GFRA4: variants seen among roughly 807,000 people sequenced by gnomAD.
GFRA4 encodes the protein GDNF family receptor alpha 4.
GFRA4 carries 31 observed loss-of-function variants against 28.5 expected under a neutral mutation model. That is an observed-to-expected ratio of 1.09 (90% CI 0.82 to 1.47). The LOEUF (loss-of-function observed/expected upper bound fraction) is 1.47, where lower values mean the gene tolerates loss of function less well. GFRA4 is among the 40% of genes most tolerant of loss of function. GFRA4 has a pLI of 0.00. For missense variants in GFRA4, 389 were observed against 413.2 expected, an observed-to-expected ratio of 0.94 and a Z score of 0.51; for synonymous variants, 188 against 188.0, an observed-to-expected ratio of 1.00 and a Z score of 0.00.
chr20:3,659,770 C>T lies in GFRA4; in HGVS notation c.*139G>A. 2.5e-6 allele frequency: 2 copies of T among 798,886 alleles called. No individual in the cohort carries two copies. The highest frequency in any genetic ancestry group is 4.0e-6 in the Non-Finnish European group (2 of 496,596). 49.5% of individuals were successfully genotyped at this position (798,886 alleles called of 1,614,324 possible). ...ACGGCACACAGGGTGTCCAAACCTA[C>T]AAAGGGCAGCGGAGTGAAAGCACCA... On this transcript the variant is annotated 3_prime_UTR_variant, in exon 6 of 6. Transcript: ENST00000290417.
Position 3,661,188 on chromosome 20 carries a change from A to G in GFRA4, c.148T>C (p.Cys50Arg), listed in dbSNP as rs1462122348. 6.7e-6 allele frequency: 10 copies of G among 1,483,372 alleles called. No individual in the cohort carries two copies. Among genetic ancestry groups the G allele is most frequent in the Non-Finnish European group, 8.9e-6 (10 of 1,124,054 alleles). 91.9% of individuals were successfully genotyped at this position (1,483,372 alleles called of 1,614,324 possible). A position where few individuals can be genotyped will look rare whatever the true frequency, so the allele number is the denominator to read the frequency against. The change falls in exon 2 of 6, where the codon TGC (cysteine) becomes CGC (arginine). Residue 50 changes from cysteine (C) to arginine (R), a missense_variant. Coordinates refer to ENST00000290417, the MANE Select transcript of GFRA4 (RefSeq NM_022139.4). ...QRLRSEYVAQ[C>R]LGRAAQGGCP... ...CCCCCCTGCGCAGCCCGGCCCAGGC[A>G]CTGCGCCACATACTCGGAGCGCAAA...
Position 3,659,698 on chromosome 20 carries a change from CGGGGGCTTTACAGT to C in GFRA4, c.*197_*210del. 1 of 564,222 alleles carries C rather than the reference CGGGGGCTTTACAGT, an allele frequency of 1.8e-6. No homozygotes were observed. Among genetic ancestry groups the C allele is most frequent in the Non-Finnish European group, 3.1e-6 (1 of 325,356 alleles). 35.0% of individuals were successfully genotyped at this position (564,222 alleles called of 1,614,324 possible). On this transcript the variant is annotated 3_prime_UTR_variant, in exon 6 of 6. Coordinates refer to ENST00000290417, the MANE Select transcript of GFRA4 (RefSeq NM_022139.4). ...ACCAAGATGCCTCCTGACAGGGAGACGGGGGCTTTACAGTCAGGCCCCAGCCTACATCCCTTGCC... is the reference window on the plus strand; with the variant it reads ...ACCAAGATGCCTCCTGACAGGGAGACCAGGCCCCAGCCTACATCCCTTGCC...
chr20:3,662,587 A>AC (rs2087235135), intron 1 of GFRA4, among the ~76,000 whole-genome samples: 1 of 152,186 alleles, frequency 6.6e-6, no homozygotes, highest in Admixed American at 6.5e-5. Flanking sequence ...TGACTTCAGC[A>AC]CCTGCCTCTG....
rs1457524039 is a variant in GFRA4 at position 3,660,980 on chromosome 20, T to A, written c.356A>T (p.Glu119Val). The A allele has an allele frequency of 1.4e-6, 2 of 1,407,216 alleles. No individual in the cohort carries two copies. Among genetic ancestry groups the A allele is most frequent in the Non-Finnish European group, 1.8e-6 (2 of 1,083,360 alleles). The allele number at this position is 1,407,216 out of a possible 1,614,324, so 87.2% of individuals were successfully genotyped here. Residue 119 changes from glutamate to valine, a missense_variant, in exon 2 of 6, where the codon GAG becomes GTG. Glu to Val is a moderately radical substitution (Grantham distance 121, BLOSUM62 -2). Transcript: ENST00000290417. ...GCTGCGCTCGCAGAAGTTTAAGGGC[T>A]CAAGGCAGGAGGGCGGCGCGGGGCC... ...GPGPAPPSCL[E>V]PLNFCERSRV...
chr20:3,661,212 A>G lies in GFRA4; in HGVS notation c.124T>C (p.Leu42=), dbSNP rs1355721750. 6.7e-7 allele frequency: 1 copy of G among 1,498,602 alleles called. No homozygotes were observed. 92.8% of individuals were successfully genotyped at this position (1,498,602 alleles called of 1,614,324 possible). The change falls in exon 2 of 6, where the codon TTG becomes CTG. Residue 42 remains leucine, a synonymous_variant. Coordinates refer to ENST00000290417, the MANE Select transcript of GFRA4 (RefSeq NM_022139.4). ...CACTGCGCCACATACTCGGAGCGCAAACGCTGGCACCGCGCGTCCGCCGTG... is the reference window on the plus strand; with the variant it reads ...CACTGCGCCACATACTCGGAGCGCAGACGCTGGCACCGCGCGTCCGCCGTG... ...ACTADARCQR[L]RSEYVAQCLG...
chr20:3,660,737 G>T lies in GFRA4; in HGVS notation c.502+18C>A. 7.0e-7 allele frequency: 1 copy of T among 1,437,176 alleles called. No individual in the cohort carries two copies. The highest frequency in any genetic ancestry group is 9.1e-7 in the Non-Finnish European group (1 of 1,100,566). 89.0% of individuals were successfully genotyped at this position (1,437,176 alleles called of 1,614,324 possible). On this transcript the variant is annotated intron_variant, in intron 3 of 5. Coordinates refer to ENST00000290417, the MANE Select transcript of GFRA4 (RefSeq NM_022139.4). ...CCTGGAGAACCCCCGCCCTCGCCCG[G>T]ATCCCGGCCGCGCGTACCCACGAGG... is the stretch of plus-strand genomic sequence containing the variant.
chr20:3,662,904 T>C (rs1447321029), intron 1 of GFRA4, among the ~76,000 whole-genome samples: 2 of 152,138 alleles, frequency 1.3e-5, no homozygotes, highest in Non-Finnish European at 2.9e-5. Flanking sequence ...CTTTACCAGA[T>C]TCCACTTTCC....
chr20:3,660,799 AGCAG>A lies in GFRA4; in HGVS notation c.454_457del (p.Leu152TrpfsTer27). ...GCGCAGGCAGCGGGCGCCCTGGTCC[AGCAG>A]GCAGCCGTCGGGGGCGCTGGGCGCT... is the stretch of plus-strand genomic sequence containing the variant. On this transcript the variant is annotated frameshift_variant, in exon 3 of 6. Transcript: ENST00000290417. LOFTEE classifies it high-confidence loss of function. 7.1e-7 allele frequency: 1 copy of A among 1,415,338 alleles called. No individual in the cohort carries two copies. The highest frequency in any genetic ancestry group is 1.6e-5 in the South Asian group (1 of 64,156). The allele number at this position is 1,415,338 out of a possible 1,614,324, so 87.7% of individuals were successfully genotyped here.
rs1369465737 is a variant in GFRA4, at chr20:3,661,136, G to C, written c.200C>G (p.Ala67Gly). 9 of 1,330,126 alleles carry C rather than the reference G, an allele frequency of 6.8e-6. No homozygotes were observed. The East Asian group carries it at 2.5e-4, about 37-fold the overall frequency. 82.4% of individuals were successfully genotyped at this position (1,330,126 alleles called of 1,614,324 possible). A position where few individuals can be genotyped will look rare whatever the true frequency, so the allele number is the denominator to read the frequency against. The change falls in exon 2 of 6, where the codon GCC (alanine) becomes GGC (glycine). Residue 67 changes from alanine (A) to glycine (G), a missense_variant. Coordinates refer to ENST00000290417, the MANE Select transcript of GFRA4 (RefSeq NM_022139.4). The stretch of plus-strand genomic sequence containing the variant: ...CCCGCGGGCGAAGAAGCGGCGCAGG[G>C]CCCGGCGGCAGCGGGCGCGGGGACA... ...GGCPRARCRR[A>G]LRRFFARGPP...
chr20:3,660,081 C>A, intron 5 of GFRA4, 77 bp downstream of exon 5: 1 of 1,516,284 alleles, frequency 6.6e-7, no homozygotes, highest in South Asian at 1.2e-5. Flanking sequence ...TGCCTCCACC[C>A]AGGCCCACCA....
Position 3,659,832 on chromosome 20 carries a change from G to A in GFRA4, c.*77C>T. The A allele has an allele frequency of 7.3e-7, 1 of 1,377,810 alleles. No individual in the cohort carries two copies. The highest frequency in any genetic ancestry group is 1.0e-6 in the Non-Finnish European group (1 of 992,660). The allele number at this position is 1,377,810 out of a possible 1,614,324, so 85.3% of individuals were successfully genotyped here. A position where few individuals can be genotyped will look rare whatever the true frequency, so the allele number is the denominator to read the frequency against. On this transcript the variant is annotated 3_prime_UTR_variant, in exon 6 of 6. Coordinates refer to ENST00000290417, the MANE Select transcript of GFRA4 (RefSeq NM_022139.4). The stretch of plus-strand genomic sequence containing the variant: ...GGGGGTAAGCCAGCCCCTTCTCAAG[G>A]GGCCAGTAGGCCACAGAGGCGGCCC...
Position 3,660,994 on chromosome 20 carries a change from C to T in GFRA4, c.342G>A (p.Pro114=), listed in dbSNP as rs1484935998. The T allele has an allele frequency of 3.0e-6, 4 of 1,331,012 alleles. No individual in the cohort carries two copies. The highest frequency in any genetic ancestry group is 1.6e-5 in the African/African-American group (1 of 62,146). 82.5% of individuals were successfully genotyped at this position (1,331,012 alleles called of 1,614,324 possible). The part of the protein sequence containing the change: ...SCAFSGPGPA[P]PSCLEPLNFC... ...AGTTTAAGGGCTCAAGGCAGGAGGG[C>T]GGCGCGGGGCCGGGCCCCGAAAAGG... Residue 114 remains proline (P), a synonymous_variant, in exon 2 of 6, where the codon CCG becomes CCA. Coordinates refer to ENST00000290417, the MANE Select transcript of GFRA4 (RefSeq NM_022139.4).
chr20:3,660,059 C>G, intron 5 of GFRA4, 70 bp from the exon 6 acceptor site: 1 of 1,513,836 alleles, frequency 6.6e-7, no homozygotes, highest in Non-Finnish European at 8.9e-7. Context: ...CACCCCCACC[C>G]CAGGCCCTTC....
In GFRA4 at chr20:3,660,186, TG is replaced by T; in HGVS notation, c.700del (p.Gln234ArgfsTer38). The T allele has an allele frequency of 1.3e-6, 2 of 1,599,256 alleles. No homozygotes were observed. Among genetic ancestry groups the T allele is most frequent in the Non-Finnish European group, 8.5e-7 (1 of 1,173,922 alleles). ...PPVLLDQLNP[Q>X]GDPEHSLLQV... ...CAGGAGGCTGTGCTCCGGGTCTCCC[TG>T]GGGGTTCAGCTGGTCCAGCAGGACT... On this transcript the variant is annotated frameshift_variant, in exon 5 of 6. Transcript: ENST00000290417. LOFTEE classifies it low-confidence loss of function (END_TRUNC).
rs930149321 is a variant in GFRA4, at chr20:3,661,149, G to C, written c.187C>G (p.Arg63Gly). 3.0e-6 allele frequency: 4 copies of C among 1,336,626 alleles called. No homozygotes were observed. In the African/African-American group the frequency reaches 6.2e-5, roughly 21 times the overall value. The allele number at this position is 1,336,626 out of a possible 1,614,324, so 82.8% of individuals were successfully genotyped here. A position where few individuals can be genotyped will look rare whatever the true frequency, so the allele number is the denominator to read the frequency against. The change falls in exon 2 of 6, where the codon CGC (arginine) becomes GGC (glycine). Residue 63 changes from arginine (R) to glycine (G), a missense_variant. Arg to Gly is a moderately radical substitution (Grantham distance 125, BLOSUM62 -2). Transcript: ENST00000290417. ...RAAQGGCPRA[R>G]CRRALRRFFA... ...AAGCGGCGCAGGGCCCGGCGGCAGC[G>C]GGCGCGGGGACAGCCCCCCTGCGCA...
Position 3,661,200 on chromosome 20 carries a change from A to G in GFRA4, c.136T>C (p.Tyr46His). The G allele has an allele frequency of 6.7e-7, 1 of 1,494,742 alleles. No homozygotes were observed. The highest frequency in any genetic ancestry group is 8.9e-7 in the Non-Finnish European group (1 of 1,128,876). The allele number at this position is 1,494,742 out of a possible 1,614,324, so 92.6% of individuals were successfully genotyped here. A position where few individuals can be genotyped will look rare whatever the true frequency, so the allele number is the denominator to read the frequency against. ...DARCQRLRSE[Y>H]VAQCLGRAAQ... ...GCCCGGCCCAGGCACTGCGCCACAT[A>G]CTCGGAGCGCAAACGCTGGCACCGC... The change falls in exon 2 of 6, where the codon TAT becomes CAT. Residue 46 changes from tyrosine to histidine, a missense_variant. By Grantham distance (83) the Tyr-to-His change is moderately conservative. Coordinates refer to ENST00000290417, the MANE Select transcript of GFRA4 (RefSeq NM_022139.4).
At chr20:3,660,474 G>C in intron 4 of GFRA4, 52 bp downstream of exon 4, 1 of 1,512,484 alleles carries the variant, frequency 6.6e-7, no homozygotes, top group Non-Finnish European at 8.9e-7. Context: ...GCTTGGGAGG[G>C]GGCAGTAAGC....
intron 4 of GFRA4, 118 bp downstream of exon 4, chr20:3,660,408 G>A (rs1568786379): frequency 9.8e-6 from 11 of 1,125,550 alleles, no homozygotes; most frequent in Non-Finnish European, 1.4e-5. Context: ...CTGTGACAGA[G>A]TGACTCAACT....
At position 3,660,606 on chromosome 20, in the gene GFRA4, C is replaced by T. The variant is rs1568786532; in HGVS notation, c.557G>A (p.Trp186Ter). The change falls in exon 4 of 6, where the codon TGG (tryptophan) becomes TAG (stop). Residue 186 changes from tryptophan (W) to a stop codon, truncating the protein, a stop_gained. Transcript: ENST00000290417. LOFTEE classifies it high-confidence loss of function. ...GTTCCCGCTGGCTCCGCAGTCGCACCAGGGCGCCACGCGCGCGCTCACGTT... is the reference window on the plus strand; with the variant it reads ...GTTCCCGCTGGCTCCGCAGTCGCACTAGGGCGCCACGCGCGCGCTCACGTT... ...VDNVSARVAP[W>*]CDCGASGNRR... The T allele has an allele frequency of 6.4e-7, 1 of 1,550,992 alleles. No individual in the cohort carries two copies. The highest frequency in any genetic ancestry group is 1.4e-5 in the African/African-American group (1 of 73,260).
Sources: allele counts gnomAD v4.1 joint callset (sites outside exome capture counted in the v4.1 genomes callset), GRCh38; gene constraint gnomAD v4.1.1; transcripts MANE v1.5; gene names NCBI Gene and HGNC (gene_info 2026-07-23, HGNC 2026-07-21).